The following PCLO variants were observed in gnomAD, a reference collection of about 807,000 sequenced individuals.
The protein encoded by PCLO is protein piccolo.
PCLO carries 82 observed loss-of-function variants against 427.5 expected under a neutral mutation model. That is an observed-to-expected ratio of 0.19 (90% confidence interval 0.16 to 0.23). The LOEUF is 0.23. Ranked by LOEUF, PCLO falls within the 10% of genes least tolerant of loss-of-function variation. The probability of loss-of-function intolerance (pLI) is 1.00; values close to 1 mark genes in which losing one functional copy is unlikely to be tolerated. For missense variants in PCLO, 6,239 were observed against 6,115.9 expected (o/e 1.02, Z -0.67); for synonymous variants, 2,357 against 2,155.4 (o/e 1.09, Z -2.59).
intron 3 of PCLO, among the ~76,000 whole-genome samples, chr7:83,101,040 T>G (rs563618728): frequency 8.7e-4 from 133 of 152,100 alleles, no homozygotes; most frequent in Non-Finnish European, 1.6e-3. Flanking sequence ...AAACATGGAT[T>G]TTTGCATTTA....
chr7:82,873,339 T>C (rs1439417039), intron 10 of PCLO, among the ~76,000 whole-genome samples: 1 of 151,922 alleles, frequency 6.6e-6, no homozygotes, highest in East Asian at 1.9e-4. Flanking sequence ...CTCATTAGAA[T>C]CAATGAGATG....
At chr7:83,032,215 C>T (rs1398358598) in intron 3 of PCLO, among the ~76,000 whole-genome samples, 1 of 152,128 alleles carries the variant, frequency 6.6e-6, no homozygotes, top group African/African-American at 2.4e-5. Context: ...ATCTTATTAG[C>T]CTTTTGAGTC....
At chr7:83,107,191 GT>G (rs1304965483) in intron 3 of PCLO, among the ~76,000 whole-genome samples, 1 of 152,100 alleles carries the variant, frequency 6.6e-6, no homozygotes, top group East Asian at 1.9e-4. Context: ...CTGATAGGTA[GT>G]TTTTCAGTCC....
In PCLO at chr7:82,965,976, A is replaced by G. The variant is rs1434486435; in HGVS notation, c.3812T>C (p.Ile1271Thr). 2 of 1,613,682 alleles carry G rather than the reference A, an allele frequency of 1.2e-6. No individual in the cohort carries two copies. Among genetic ancestry groups the G allele is most frequent in the Non-Finnish European group, 1.7e-6 (2 of 1,179,876 alleles). The part of the protein sequence containing the change: ...KHDLLKSQVQ[I>T]AEEKLEGRVA... ...TCTGCCTTCAAGCTTTTCTTCAGCA[A>G]TTTGTACTTGAGATTTAAGTAAGTC... The change falls in exon 4 of 25, where the codon ATT becomes ACT. Residue 1271 changes from isoleucine to threonine, a missense_variant. Physicochemically the swap from Ile to Thr is moderately conservative, Grantham distance 89. Transcript: ENST00000333891.
At chr7:82,965,215 A>G (rs1465113194) in intron 4 of PCLO, among the ~76,000 whole-genome samples, 2 of 152,068 alleles carry the variant, frequency 1.3e-5, no homozygotes, top group Non-Finnish European at 2.9e-5. Context: ...TATATTAAAA[A>G]TCATGCTAAA....
intron 21 of PCLO, among the ~76,000 whole-genome samples, chr7:82,804,154 A>T (rs1267634761): frequency 6.6e-6 from 1 of 152,186 alleles, no homozygotes; most frequent in East Asian, 1.9e-4. Flanking sequence ...ATTTGTAGAA[A>T]TTCTTTTCTG....
chr7:82,841,061 A>C (rs183210399), intron 14 of PCLO, among the ~76,000 whole-genome samples: 7 of 152,048 alleles, frequency 4.6e-5, no homozygotes, highest in Admixed American at 3.9e-4. Context: ...CTTCTCTACA[A>C]AAACTATTCA....
chr7:82,855,736 C>T (rs188893805), intron 10 of PCLO, among the ~76,000 whole-genome samples: 3 of 152,030 alleles, frequency 2.0e-5, no homozygotes, highest in East Asian at 3.9e-4. Flanking sequence ...AAGACAATGT[C>T]GTATTTCTCC....
At chr7:83,130,788 G>A (rs1484101092) in intron 3 of PCLO, among the ~76,000 whole-genome samples, 1 of 152,076 alleles carries the variant, frequency 6.6e-6, no homozygotes, top group African/African-American at 2.4e-5. Context: ...TTACATCACT[G>A]GGTCTTATCT....
chr7:82,906,082 T>C (rs145675164), intron 8 of PCLO, among the ~76,000 whole-genome samples: 5 of 151,836 alleles, frequency 3.3e-5, no homozygotes, highest in Non-Finnish European at 7.4e-5. Flanking sequence ...CACACACATA[T>C]AAGTATACAC....
chr7:83,050,221 A>AAAAAAAAAAAAAAAAAAC (rs1789204566), intron 3 of PCLO, among the ~76,000 whole-genome samples: 2 of 93,882 alleles, frequency 2.1e-5, no homozygotes, highest in African/African-American at 4.0e-5. Flanking sequence ...AAAAAAAAAA[A>AAAAAAAAAAAAAAAAAAC]AAAAAAAAAA....
intron 10 of PCLO, among the ~76,000 whole-genome samples, chr7:82,873,133 G>T (rs1338905246): frequency 2.0e-5 from 3 of 149,982 alleles, no homozygotes; most frequent in African/African-American, 7.4e-5. Context: ...GTAAGACAAT[G>T]AAACAGTATG....
intron 3 of PCLO, among the ~76,000 whole-genome samples, chr7:83,050,944 C>T (rs891772119): frequency 2.0e-5 from 3 of 151,864 alleles, no homozygotes; most frequent in African/African-American, 7.3e-5. Context: ...TAATTCTTCA[C>T]ATCAACAGGA....
At chr7:83,033,172 CTT>C (rs1474840127) in intron 3 of PCLO, among the ~76,000 whole-genome samples, 2 of 152,262 alleles carry the variant, frequency 1.3e-5, no homozygotes, top group Middle Eastern at 3.4e-3. Context: ...AATTAAACCT[CTT>C]TTGTTTAAAA....
intron 3 of PCLO, among the ~76,000 whole-genome samples, chr7:83,004,627 A>G (rs535427548): frequency 1.1e-5 from 1 of 90,472 alleles, no homozygotes; most frequent in Non-Finnish European, 2.1e-5. Context: ...TTTTTTAGAT[A>G]TAACACTAAA....
chr7:83,022,811 C>T (rs1404792429), intron 3 of PCLO, among the ~76,000 whole-genome samples: 2 of 152,008 alleles, frequency 1.3e-5, no homozygotes, highest in East Asian at 1.9e-4. Context: ...CTCCTAAGTG[C>T]CTCTGGCGTA....
At chr7:83,079,242 T>G (rs965936311) in intron 3 of PCLO, among the ~76,000 whole-genome samples, 1 of 152,152 alleles carries the variant, frequency 6.6e-6, no homozygotes, top group Admixed American at 6.6e-5. Flanking sequence ...ACACAATTGT[T>G]AACCACTCAA....
chr7:82,866,611 ATAAAGGAATCTTAT>A (rs1342767962), intron 10 of PCLO, among the ~76,000 whole-genome samples: 13 of 151,818 alleles, frequency 8.6e-5, no homozygotes, highest in African/African-American at 2.9e-4. Context: ...TAAGAGAAAA[ATAAAGGAATCTTAT>A]TTTCCTTCAC....
At chr7:83,005,483 G>C (rs1311170522) in intron 3 of PCLO, among the ~76,000 whole-genome samples, 2 of 151,528 alleles carry the variant, frequency 1.3e-5, no homozygotes, top group African/African-American at 4.8e-5. Context: ...AATAAGTTTT[G>C]GAGATCTAAA....
Sources: allele counts gnomAD v4.1 joint callset (sites outside exome capture counted in the v4.1 genomes callset), GRCh38; gene constraint gnomAD v4.1.1; transcripts MANE v1.5; gene names NCBI Gene and HGNC (gene_info 2026-07-23, HGNC 2026-07-21).